Variants in ALDH1A2 observed in about 807,000 individuals in gnomAD.
ALDH1A2 encodes the protein aldehyde dehydrogenase 1 family member A2.
A neutral mutation model predicts 60.3 loss-of-function variants in ALDH1A2; 27 were observed. The ratio of observed to expected loss-of-function variants is 0.45; its 90% confidence interval spans 0.33 to 0.62. The LOEUF (loss-of-function observed/expected upper bound fraction) is 0.62, where lower values mean the gene tolerates loss of function less well. Ranked by LOEUF, ALDH1A2 falls within the 20% of genes least tolerant of loss-of-function variation. ALDH1A2 has a pLI of 0.02. For missense variants in ALDH1A2, 581 were observed against 643.8 expected (o/e 0.90, Z 1.06); for synonymous variants, 289 against 232.4 (o/e 1.24, Z -2.21).
chr15:57,968,003 A>G (rs1277995759), intron 7 of ALDH1A2, among the ~76,000 whole-genome samples: 1 of 152,166 alleles, frequency 6.6e-6, no homozygotes, highest in East Asian at 1.9e-4. Context: ...CTGGGGAAAC[A>G]GCAATCCTCT....
Position 57,993,086 on chromosome 15 carries a change from A to G in ALDH1A2, c.556-13T>C. On this transcript the variant is annotated splice_polypyrimidine_tract_variant and intron_variant, in intron 5 of 12. Coordinates refer to ENST00000249750, the MANE Select transcript of ALDH1A2 (RefSeq NM_003888.4). ...GGGGGAAGTTCCACTGAAAGGAAAAAACTCAAAGTTGATAGATGGAAAAAC... is the reference window on the plus strand; with the variant it reads ...GGGGGAAGTTCCACTGAAAGGAAAAGACTCAAAGTTGATAGATGGAAAAAC... 6.2e-7 allele frequency: 1 copy of G among 1,611,410 alleles called. No homozygotes were observed. Among genetic ancestry groups the G allele is most frequent in the Non-Finnish European group, 8.5e-7 (1 of 1,179,850 alleles).
In ALDH1A2 at chr15:58,024,573, T is replaced by A. The variant is rs7165271; in HGVS notation, c.118-10292A>T. On this transcript the variant is annotated intron_variant, in intron 1 of 12. Transcript: ENST00000249750. ...GCACCCAGATTCATAGAGCAAATAT[T>A]ACTAGATCTAAATAGACAGACTACA... Among the ~76,000 whole-genome samples the A allele has an allele frequency of 2.4e-3, 360 of 152,264 alleles. 1 individual carries two copies. Among genetic ancestry groups the A allele is most frequent in the African/African-American group, 8.4e-3 (347 of 41,556 alleles).
chr15:57,958,214 G>GCACACACACACACACA (rs113322985), intron 12 of ALDH1A2, among the ~76,000 whole-genome samples: 79 of 151,818 alleles, frequency 5.2e-4, no homozygotes, highest in East Asian at 1.9e-3. Context: ...GTACACGCAC[G>GCACACACACACACACA]CACACACACA....
Position 57,962,107 on chromosome 15 carries a change from C to T in ALDH1A2, c.1156G>A (p.Glu386Lys), listed in dbSNP as rs777771866. 6.2e-7 allele frequency: 1 copy of T among 1,614,190 alleles called. No homozygotes were observed. The highest frequency in any genetic ancestry group is 8.5e-7 in the Non-Finnish European group (1 of 1,180,016). The change falls in exon 10 of 13, where the codon GAA becomes AAA. Residue 386 changes from glutamate (E) to lysine (K), a missense_variant. Physicochemically the swap from Glu to Lys is moderately conservative, Grantham distance 56. Transcript: ENST00000249750. ...QSGVAEGAKL[E>K]CGGKGLGRKG... ...CGGCCCAGTCCTTTGCCTCCACATT[C>T]CAGCTTGGCGCCCTCAGCCACACCA...
At chr15:58,005,138 C>T (rs1266373795) in intron 4 of ALDH1A2, among the ~76,000 whole-genome samples, 1 of 151,750 alleles carries the variant, frequency 6.6e-6, no homozygotes. Flanking sequence ...TCATGGTACT[C>T]TCCTCCCTCA....
At chr15:58,020,599 A>T (rs921324414) in intron 1 of ALDH1A2, among the ~76,000 whole-genome samples, 3 of 152,228 alleles carry the variant, frequency 2.0e-5, no homozygotes, top group African/African-American at 4.8e-5. Context: ...GTATTACTGA[A>T]GCTACCTGTG....
chr15:57,987,148 A>C (rs1044128209), intron 7 of ALDH1A2, among the ~76,000 whole-genome samples: 7 of 152,342 alleles, frequency 4.6e-5, no homozygotes, highest in African/African-American at 1.7e-4. Flanking sequence ...CCGGAAGCAC[A>C]AAGGAAAAAA....
intron 4 of ALDH1A2, among the ~76,000 whole-genome samples, chr15:58,001,611 G>GA (rs1895275443): frequency 6.6e-6 from 1 of 151,838 alleles, no homozygotes. Context: ...TCTCTGCCTA[G>GA]AAAAAATTAA....
chr15:57,959,210 G>A (rs1281311063), intron 12 of ALDH1A2, among the ~76,000 whole-genome samples: 4 of 152,210 alleles, frequency 2.6e-5, no homozygotes, highest in Non-Finnish European at 4.4e-5. Flanking sequence ...ATCAATGCAA[G>A]CAGCATTCCC....
At chr15:58,033,510 A>C (rs1463200490) in intron 1 of ALDH1A2, among the ~76,000 whole-genome samples, 1 of 151,840 alleles carries the variant, frequency 6.6e-6, no homozygotes, top group Non-Finnish European at 1.5e-5. Context: ...AAATTAATCA[A>C]TATCTTAAAC....
chr15:57,967,508 C>CTGTT (rs1893936177), intron 7 of ALDH1A2, among the ~76,000 whole-genome samples: 1 of 152,164 alleles, frequency 6.6e-6, no homozygotes, highest in Admixed American at 6.5e-5. Context: ...ACTGCCTGTG[C>CTGTT]TGTTAACTCC....
chr15:58,001,974 G>A (rs1201419645), intron 4 of ALDH1A2, among the ~76,000 whole-genome samples: 2 of 151,848 alleles, frequency 1.3e-5, no homozygotes, highest in Non-Finnish European at 2.9e-5. Context: ...TAAGTCACAC[G>A]TGTAGGACTT....
At chr15:57,998,471 G>T (rs1595654423) in intron 4 of ALDH1A2, among the ~76,000 whole-genome samples, 1 of 151,602 alleles carries the variant, frequency 6.6e-6, no homozygotes, top group African/African-American at 2.4e-5. Flanking sequence ...ACAGAATAAA[G>T]TACCTAAGAA....
chr15:58,063,322 A>G (rs957450511), intron 1 of ALDH1A2, among the ~76,000 whole-genome samples: 1 of 152,232 alleles, frequency 6.6e-6, no homozygotes, highest in Non-Finnish European at 1.5e-5. Flanking sequence ...CCTAACGCGT[A>G]ATACTTTTGT....
At chr15:57,987,289 G>A (rs1380272154) in intron 7 of ALDH1A2, among the ~76,000 whole-genome samples, 1 of 151,898 alleles carries the variant, frequency 6.6e-6, no homozygotes, top group East Asian at 1.9e-4. Flanking sequence ...ATGTTTCCCA[G>A]TTTGATGAAA....
chr15:57,954,604 G>C lies in ALDH1A2; in HGVS notation c.*593C>G, dbSNP rs3204689. The stretch of plus-strand genomic sequence containing the variant: ...AATATCCCAGGTTCTTACTACATCT[G>C]TAGTGTACCAGCTCCTGGCATTTTC... On this transcript the variant is annotated 3_prime_UTR_variant, in exon 13 of 13. Coordinates refer to ENST00000249750, the MANE Select transcript of ALDH1A2 (RefSeq NM_003888.4). 60,045 of 166,114 alleles carry C rather than the reference G, an allele frequency of 0.36. 11,833 individuals are homozygous for C. Among genetic ancestry groups the C allele is most frequent in the Non-Finnish European group, 0.46 (34,042 of 74,154 alleles). 10.3% of individuals were successfully genotyped at this position (166,114 alleles called of 1,614,324 possible).
chr15:57,997,214 T>G (rs1431168089), intron 4 of ALDH1A2, among the ~76,000 whole-genome samples: 1 of 152,006 alleles, frequency 6.6e-6, no homozygotes, highest in Non-Finnish European at 1.5e-5. Context: ...AATTAACTAT[T>G]TAGCTTTGTA....
intron 1 of ALDH1A2, among the ~76,000 whole-genome samples, chr15:58,018,850 A>G (rs1158905359): frequency 6.6e-6 from 1 of 152,202 alleles, no homozygotes; most frequent in African/African-American, 2.4e-5. Flanking sequence ...ATGAGAGGCT[A>G]GTAAAATGAA....
In ALDH1A2 at chr15:57,953,698, GATAAGAGTTATAA is replaced by G. The variant is rs2140439040; in HGVS notation, c.*1486_*1498del. 1 of 152,510 alleles carries G rather than the reference GATAAGAGTTATAA, an allele frequency of 6.6e-6. No homozygotes were observed. Among genetic ancestry groups the G allele is most frequent in the Non-Finnish European group, 1.5e-5 (1 of 68,026 alleles). The allele number at this position is 152,510 out of a possible 1,614,324, so 9.4% of individuals were successfully genotyped here. On this transcript the variant is annotated 3_prime_UTR_variant, in exon 13 of 13. Coordinates refer to ENST00000249750, the MANE Select transcript of ALDH1A2 (RefSeq NM_003888.4). ...TGGAGACTTTAAAACATCATGGATA[GATAAGAGTTATAA>G]ATAGAAAACTGGTACGGTTAAGAAG...
Sources: gnomAD v4.1 joint callset for allele counts (sites outside exome capture counted in the v4.1 genomes callset) on GRCh38, gnomAD v4.1.1 for gene constraint, MANE v1.5 for transcripts, NCBI Gene and HGNC (gene_info 2026-07-23, HGNC 2026-07-21) for gene names.